ZNF711: variants seen among roughly 807,000 people sequenced by gnomAD.
ZNF711 encodes the protein ZFX family zinc finger ZNF711.
ZNF711 carries 3 observed loss-of-function variants against 43.5 expected under a neutral mutation model. That is an observed-to-expected ratio of 0.07 (90% CI 0.03 to 0.18). The LOEUF is 0.18. ZNF711 is among the 10% of genes least tolerant of loss of function. The pLI is 1.00. For missense variants in ZNF711, 412 were observed against 604.0 expected, an observed-to-expected ratio of 0.68 and a Z score of 3.33; for synonymous variants, 209 against 207.7, an observed-to-expected ratio of 1.01 and a Z score of -0.06.
At chrX:85,260,532 A>G (rs947408677) in intron 5 of ZNF711, among the ~76,000 whole-genome samples, 1 of 110,368 alleles carries the variant, frequency 9.1e-6, no homozygotes, top group Admixed American at 9.7e-5. Context: ...ACAGGGTTGT[A>G]CAACCATCAC....
At chrX:85,258,741 C>T (rs1244675412) in intron 5 of ZNF711, among the ~76,000 whole-genome samples, 3 of 109,327 alleles carry the variant, frequency 2.7e-5, no homozygotes, top group African/African-American at 6.6e-5. Context: ...GCCTTTTCCC[C>T]GTTTTTATTG....
chrX:85,263,856 C>A (rs752570375), intron 5 of ZNF711, among the ~76,000 whole-genome samples: 1 of 110,170 alleles, frequency 9.1e-6, no homozygotes, highest in Non-Finnish European at 1.9e-5. Context: ...ATCTTGTGTA[C>A]TGTTTTTCCA....
chrX:85,248,978 T>C (rs1929300986), intron 4 of ZNF711, among the ~76,000 whole-genome samples: 1 of 112,132 alleles, frequency 8.9e-6, no homozygotes, highest in Non-Finnish European at 1.9e-5. Context: ...TTATAATGAT[T>C]GCACTAGATA....
intron 9 of ZNF711, among the ~76,000 whole-genome samples, chrX:85,268,967 T>G (rs1186057217): frequency 3.6e-5 from 4 of 111,934 alleles, no homozygotes; most frequent in Non-Finnish European, 5.6e-5. Context: ...TCACAGCATG[T>G]AAGTTAACCT....
rs1194291447 is a variant in ZNF711 at position 85,271,836 on chromosome X, A to C, written c.*8A>C. 3 of 1,173,757 alleles carry C rather than the reference A, an allele frequency of 2.6e-6. No homozygotes were observed. The highest frequency in any genetic ancestry group is 3.5e-6 in the Non-Finnish European group (3 of 863,103). On this transcript the variant is annotated 3_prime_UTR_variant, in exon 11 of 11. Coordinates refer to ENST00000674551, the MANE Select transcript of ZNF711 (RefSeq NM_001330574.2). ...AAAGAGGCTCTTATGTAATAAGATC[A>C]ATATAAAGAAAGAAGCTATTTAGGA...
chrX:85,249,029 T>C (rs969877022), intron 4 of ZNF711, among the ~76,000 whole-genome samples: 1 of 112,246 alleles, frequency 8.9e-6, no homozygotes, highest in African/African-American at 3.2e-5. Flanking sequence ...CTTTGACGTT[T>C]CTTTCTGATG....
intron 6 of ZNF711, among the ~76,000 whole-genome samples, 156 bp from the exon 7 acceptor site, chrX:85,264,962 T>A (rs1214735625): frequency 1.8e-5 from 2 of 111,710 alleles, no homozygotes; most frequent in Non-Finnish European, 3.8e-5. Flanking sequence ...TAGCTGAAAA[T>A]TTAAAGTATA....
chrX:85,247,063 G>A lies in ZNF711; in HGVS notation c.-152G>A. 1 of 295,934 alleles carries A rather than the reference G, an allele frequency of 3.4e-6. No homozygotes were observed. The highest frequency in any genetic ancestry group is 5.9e-6 in the Non-Finnish European group (1 of 169,516). The allele number at this position is 295,934 out of a possible 1,213,427, so 24.4% of individuals were successfully genotyped here. ...ATTTTACATTATAAGTAGAACCCTG[G>A]GAGCCAGAGGTGAATACAAGTTTAT... On this transcript the variant is annotated 5_prime_UTR_variant, in exon 3 of 11. Transcript: ENST00000674551.
intron 8 of ZNF711, 41 bp downstream of exon 8, chrX:85,267,456 T>G (rs993651457): frequency 9.6e-7 from 1 of 1,042,744 alleles, no homozygotes; most frequent in Non-Finnish European, 1.2e-6. Context: ...GTACATAATA[T>G]GTATTTACTC....
chrX:85,258,134 C>T (rs1045733763), intron 5 of ZNF711, among the ~76,000 whole-genome samples: 27 of 112,001 alleles, frequency 2.4e-4, no homozygotes, highest in African/African-American at 6.8e-4. Flanking sequence ...TGGAACCAGC[C>T]GGAATGCCCA....
At chrX:85,261,971 A>G (rs1163036385) in intron 5 of ZNF711, among the ~76,000 whole-genome samples, 1 of 110,920 alleles carries the variant, frequency 9.0e-6, no homozygotes, top group Non-Finnish European at 1.9e-5. Flanking sequence ...TTCCATAACG[A>G]AGGATATAGA....
rs757428118 is a variant in ZNF711, at chrX:85,255,447, C to A, written c.268C>A (p.Pro90Thr). The change falls in exon 5 of 11, where the codon CCT becomes ACT. Residue 90 changes from proline (P) to threonine (T), a missense_variant. Pro to Thr is a conservative substitution (Grantham distance 38). Coordinates refer to ENST00000674551, the MANE Select transcript of ZNF711 (RefSeq NM_001330574.2). ...TDVVTEGVIVPEAVLEADVAI... is the reference protein window; with the variant it reads ...TDVVTEGVIVTEAVLEADVAI... ...TGTAGTAACAGAAGGTGTGATTGTT[C>A]CTGAAGCGGTACTTGAAGCTGATGT... The A allele has an allele frequency of 8.3e-7, 1 of 1,209,610 alleles. No homozygotes were observed. The highest frequency in any genetic ancestry group is 1.1e-6 in the Non-Finnish European group (1 of 895,137).
chrX:85,253,864 T>A, intron 4 of ZNF711, among the ~76,000 whole-genome samples: 1 of 111,422 alleles, frequency 9.0e-6, no homozygotes. Context: ...TGAGATAATA[T>A]AAATTACTCC....
chrX:85,271,684 A>G lies in ZNF711; in HGVS notation c.2280A>G (p.Thr760=). 1 of 1,210,802 alleles carries G rather than the reference A, an allele frequency of 8.3e-7. No individual in the cohort carries two copies. The highest frequency in any genetic ancestry group is 1.1e-6 in the Non-Finnish European group (1 of 894,811). Residue 760 remains threonine, a synonymous_variant, in exon 11 of 11, where the codon ACA becomes ACG. Coordinates refer to ENST00000674551, the MANE Select transcript of ZNF711 (RefSeq NM_001330574.2). The part of the protein sequence containing the change: ...YQCEYCEYST[T]DASGFKRHVI... ...GTGAGTATTGTGAATACAGCACTAC[A>G]GATGCATCTGGCTTTAAACGACATG...
At chrX:85,258,566 A>AAATAATAAT (rs752018307) in intron 5 of ZNF711, among the ~76,000 whole-genome samples, 2 of 109,136 alleles carry the variant, frequency 1.8e-5, no homozygotes, top group Non-Finnish European at 3.8e-5. Flanking sequence ...TGAACAAGCA[A>AAATAATAAT]AATAATAATA....
chrX:85,264,465 G>A, intron 6 of ZNF711, 35 bp downstream of exon 6: 1 of 1,143,716 alleles, frequency 8.7e-7, no homozygotes, highest in Non-Finnish European at 1.2e-6. Context: ...TGCTCCAATA[G>A]GAGTTATAAT....
Position 85,270,634 on chromosome X carries a change from CTCTTT to C in ZNF711, c.1247-11_1247-7del. On this transcript the variant is annotated splice_polypyrimidine_tract_variant and intron_variant, in intron 10 of 10. Transcript: ENST00000674551. ...CAGTCTGACCAAATGTCACAACTTTCTCTTTTCTTTATCTAGCTGTTATAATAGGT... is the reference window on the plus strand; with the variant it reads ...CAGTCTGACCAAATGTCACAACTTTCTCTTTATCTAGCTGTTATAATAGGT... 8.4e-7 allele frequency: 1 copy of C among 1,184,452 alleles called. No individual in the cohort carries two copies. Among genetic ancestry groups the C allele is most frequent in the Non-Finnish European group, 1.1e-6 (1 of 873,968 alleles).
rs1385831814 is a variant in ZNF711 at position 85,271,492 on chromosome X, G to C, written c.2088G>C (p.Arg696Ser). The stretch of plus-strand genomic sequence containing the variant: ...AGGGTAGGAAGATTCATCAGTGCAG[G>C]CACTGTGACTTTAAAACATCCGATC... ...IHKGRKIHQC[R>S]HCDFKTSDPF... is the part of the protein sequence containing the mutation. The change falls in exon 11 of 11, where the codon AGG becomes AGC. Residue 696 changes from arginine (R) to serine (S), a missense_variant. This residue lies in a region of ZNF711 where 25 missense variants were observed against 52.9 expected (regional missense o/e 0.47). Transcript: ENST00000674551. 2 of 1,209,502 alleles carry C rather than the reference G, an allele frequency of 1.7e-6. No homozygotes were observed. The highest frequency in any genetic ancestry group is 1.8e-5 in the African/African-American group (1 of 57,139).
At chrX:85,253,002 A>T (rs1464232155) in intron 4 of ZNF711, among the ~76,000 whole-genome samples, 1 of 112,083 alleles carries the variant, frequency 8.9e-6, no homozygotes, top group Non-Finnish European at 1.9e-5. Context: ...ATAGAAAGTG[A>T]TCAAAAGGTT....
Sources: gnomAD v4.1 joint callset for allele counts (sites outside exome capture counted in the v4.1 genomes callset) on GRCh38, gnomAD v4.1.1 for gene constraint, gnomAD v4.1.1 regional missense constraint, MANE v1.5 for transcripts, NCBI Gene and HGNC (gene_info 2026-07-23, HGNC 2026-07-21) for gene names.